Variants in SLC9A9 observed in about 807,000 individuals in gnomAD.
SLC9A9 encodes sodium/hydrogen exchanger 9.
In SLC9A9, 62 loss-of-function variants were observed where a neutral mutation model predicts 77.8. The ratio of observed to expected loss-of-function variants is 0.80; its 90% CI spans 0.65 to 0.98. The LOEUF (loss-of-function observed/expected upper bound fraction) is 0.98, where lower values mean the gene tolerates loss of function less well. SLC9A9 is among the 50% of genes least tolerant of loss of function. The probability of loss-of-function intolerance (pLI) is 0.00; values close to 1 mark genes in which losing one functional copy is unlikely to be tolerated. For synonymous variants in SLC9A9, 320 were observed against 283.5 expected, an observed-to-expected ratio of 1.13 and a Z score of -1.29; for missense variants, 775 against 774.9, an observed-to-expected ratio of 1.00 and a Z score of 0.00.
intron 4 of SLC9A9, among the ~76,000 whole-genome samples, chr3:143,761,544 A>C (rs1240749917): frequency 6.6e-6 from 1 of 152,244 alleles, no homozygotes. Context: ...ACATGAACAG[A>C]CACTTCTCAA....
At chr3:143,754,561 C>G (rs184087937) in intron 4 of SLC9A9, among the ~76,000 whole-genome samples, 26 of 152,198 alleles carry the variant, frequency 1.7e-4, no homozygotes, top group African/African-American at 6.0e-4. Context: ...ATGTGAGAGC[C>G]TAGGTGGGTC....
chr3:143,393,650 A>G (rs544348502), intron 12 of SLC9A9, among the ~76,000 whole-genome samples: 3 of 152,334 alleles, frequency 2.0e-5, no homozygotes, highest in East Asian at 1.9e-4. Flanking sequence ...CAAAAAATCA[A>G]TGAATACAGG....
intron 4 of SLC9A9, among the ~76,000 whole-genome samples, chr3:143,746,768 T>C (rs1288787855): frequency 6.6e-6 from 1 of 152,166 alleles, no homozygotes; most frequent in African/African-American, 2.4e-5. Flanking sequence ...ATAAACAAAA[T>C]TAGAAAAATA....
At chr3:143,646,091 T>C (rs2038702685) in intron 6 of SLC9A9, among the ~76,000 whole-genome samples, 1 of 152,072 alleles carries the variant, frequency 6.6e-6, no homozygotes, top group Non-Finnish European at 1.5e-5. Context: ...AAATGAACAT[T>C]GCCAATTATT....
At chr3:143,319,624 CAA>C (rs1240252061) in intron 14 of SLC9A9, among the ~76,000 whole-genome samples, 1 of 152,162 alleles carries the variant, frequency 6.6e-6, no homozygotes, top group African/African-American at 2.4e-5. Flanking sequence ...TCTGAATTAG[CAA>C]AGAGGCTGCA....
intron 14 of SLC9A9, among the ~76,000 whole-genome samples, chr3:143,303,983 C>A (rs2030655033): frequency 6.6e-6 from 1 of 152,192 alleles, no homozygotes; most frequent in Non-Finnish European, 1.5e-5. Flanking sequence ...CTCCACTGGA[C>A]ATTTACTGGC....
intron 4 of SLC9A9, among the ~76,000 whole-genome samples, chr3:143,766,935 CTAGT>C (rs1327659182): frequency 6.6e-6 from 1 of 152,070 alleles, no homozygotes; most frequent in Non-Finnish European, 1.5e-5. Context: ...TTTCAGTATA[CTAGT>C]TATTGTTTTG....
chr3:143,357,442 T>C (rs1258558838), intron 14 of SLC9A9, among the ~76,000 whole-genome samples: 1 of 152,138 alleles, frequency 6.6e-6, no homozygotes, highest in Admixed American at 6.6e-5. Context: ...AGATTACACA[T>C]CCTTTGCTAT....
At position 143,266,036 on chromosome 3, in the gene SLC9A9, TAGGGC is replaced by T. The variant is rs530160959; in HGVS notation, c.*661_*665del. On this transcript the variant is annotated 3_prime_UTR_variant, in exon 16 of 16. Coordinates refer to ENST00000316549, the MANE Select transcript of SLC9A9 (RefSeq NM_173653.4). ...CTAAGCTTGAAAGTGGTGCTGCATTTAGGGCAGGGCACACCCAGCCATAGGCAACC... is the reference window on the plus strand; with the variant it reads ...CTAAGCTTGAAAGTGGTGCTGCATTTAGGGCACACCCAGCCATAGGCAACC... The T allele has an allele frequency of 8.5e-6, 6 of 702,198 alleles. No homozygotes were observed. The East Asian group carries it at 1.3e-4, about 16-fold the overall frequency. 43.5% of individuals were successfully genotyped at this position (702,198 alleles called of 1,614,324 possible).
intron 12 of SLC9A9, among the ~76,000 whole-genome samples, chr3:143,432,562 A>T (rs953587961): frequency 6.6e-6 from 1 of 152,156 alleles, no homozygotes; most frequent in Non-Finnish European, 1.5e-5. Flanking sequence ...TAAAACAAGC[A>T]GGCTGCCCTG....
At chr3:143,459,078 A>G (rs2035143724) in intron 12 of SLC9A9, among the ~76,000 whole-genome samples, 1 of 151,564 alleles carries the variant, frequency 6.6e-6, no homozygotes, top group Non-Finnish European at 1.5e-5. Flanking sequence ...TTTCCATTCT[A>G]AATTTTTTAT....
chr3:143,675,211 A>G (rs1276577965), intron 5 of SLC9A9, among the ~76,000 whole-genome samples: 3 of 152,224 alleles, frequency 2.0e-5, no homozygotes, highest in African/African-American at 7.2e-5. Context: ...TTCCCTGCAC[A>G]TCAGAAATAT....
chr3:143,608,763 A>C (rs765667129), intron 6 of SLC9A9, among the ~76,000 whole-genome samples: 63 of 152,312 alleles, frequency 4.1e-4, no homozygotes, highest in Middle Eastern at 6.8e-3. Context: ...GGAAGGACCC[A>C]CATTGAGGTT....
At chr3:143,425,632 G>A (rs2034389957) in intron 12 of SLC9A9, among the ~76,000 whole-genome samples, 1 of 152,082 alleles carries the variant, frequency 6.6e-6, no homozygotes, top group African/African-American at 2.4e-5. Flanking sequence ...GGGTAGTGAG[G>A]CTAATATTTT....
intron 14 of SLC9A9, among the ~76,000 whole-genome samples, chr3:143,357,989 T>C (rs1236489732): frequency 4.0e-5 from 6 of 151,428 alleles, no homozygotes; most frequent in African/African-American, 1.2e-4. Flanking sequence ...TATAAAAAAA[T>C]TCTGTCAAGT....
chr3:143,733,816 A>G (rs1348894271), intron 4 of SLC9A9, among the ~76,000 whole-genome samples: 1 of 152,070 alleles, frequency 6.6e-6, no homozygotes, highest in African/African-American at 2.4e-5. Flanking sequence ...CTTTCCACCA[A>G]TACTACCACA....
intron 4 of SLC9A9, among the ~76,000 whole-genome samples, chr3:143,772,022 ATGTGTG>A (rs55750613): frequency 6.5e-4 from 92 of 141,712 alleles, no homozygotes; most frequent in African/African-American, 1.8e-3. Context: ...CATCCCCAGA[ATGTGTG>A]TGTGTGTGTG....
At chr3:143,540,533 A>G (rs1397160836) in intron 9 of SLC9A9, among the ~76,000 whole-genome samples, 1 of 152,214 alleles carries the variant, frequency 6.6e-6, no homozygotes, top group Admixed American at 6.5e-5. Context: ...GGAGAGGAAG[A>G]AGAATGGATT....
intron 6 of SLC9A9, among the ~76,000 whole-genome samples, chr3:143,622,760 T>A (rs2038243202): frequency 6.6e-6 from 1 of 152,146 alleles, no homozygotes; most frequent in South Asian, 2.1e-4. Flanking sequence ...AATTCACACA[T>A]AACAATATTA....
Sources: allele counts gnomAD v4.1 joint callset (sites outside exome capture counted in the v4.1 genomes callset), GRCh38; gene constraint gnomAD v4.1.1; transcripts MANE v1.5; gene names NCBI Gene and HGNC (gene_info 2026-07-23, HGNC 2026-07-21).